ADAMTSL2: variants seen among roughly 807,000 people sequenced by gnomAD.
ADAMTSL2 encodes ADAMTS like 2.
ADAMTSL2 carries 55 observed loss-of-function variants against 117.0 expected under a neutral mutation model. The observed-to-expected ratio is 0.47, with a 90% confidence interval of 0.38 to 0.59. The LOEUF (loss-of-function observed/expected upper bound fraction) is 0.59, where lower values mean the gene tolerates loss of function less well. Among genes scored for constraint, ADAMTSL2 ranks in the 20% least tolerant of loss-of-function variants. ADAMTSL2 has a pLI of 0.00. For synonymous variants in ADAMTSL2, 572 were observed against 566.4 expected (o/e 1.01, Z -0.14); for missense variants, 1,182 against 1,354.5 (o/e 0.87, Z 2.00).
At chr9:133,543,954 G>A (rs370209108) in intron 7 of ADAMTSL2, among the ~76,000 whole-genome samples, 5 of 152,262 alleles carry the variant, frequency 3.3e-5, no homozygotes, top group Admixed American at 1.3e-4. Context: ...TCAGCCTGGG[G>A]CCTGGTGCTT....
chr9:133,532,208 T>C (rs1001625846), upstream of ADAMTSL2: 2 of 152,282 alleles, frequency 1.3e-5, no homozygotes, highest in East Asian at 3.9e-4. Flanking sequence ...TCTCTTTTTT[T>C]CTTTTTGAGA....
intron 9 of ADAMTSL2, among the ~76,000 whole-genome samples, chr9:133,551,812 CTTTTTTTTTTTTTT>C (rs56225051): frequency 1.1e-4 from 12 of 111,082 alleles, no homozygotes; most frequent in African/African-American, 3.4e-4. Context: ...AAAGCAGCAG[CTTTTTTTTTTTTTT>C]TTTTTTTTTT....
At chr9:133,560,994 G>T (rs1187922141) in intron 11 of ADAMTSL2, among the ~76,000 whole-genome samples, 1 of 152,236 alleles carries the variant, frequency 6.6e-6, no homozygotes, top group Non-Finnish European at 1.5e-5. Flanking sequence ...CCTAAAATGT[G>T]CCCCTCTGCG....
intron 12 of ADAMTSL2, among the ~76,000 whole-genome samples, chr9:133,563,940 A>G (rs1588302489): frequency 6.3e-5 from 1 of 15,884 alleles, no homozygotes; most frequent in Admixed American, 5.0e-4. Context: ...AGAGAGAGGG[A>G]GAGAGAGAGA....
Position 133,557,549 on chromosome 9 carries a change from C to T in ADAMTSL2, c.1649+1619C>T, listed in dbSNP as rs928969046. On this transcript the variant is annotated intron_variant, in intron 11 of 18. Coordinates refer to ENST00000651351, the MANE Select transcript of ADAMTSL2 (RefSeq NM_014694.4). The surrounding 1 kb of genome is among the most constrained non-coding windows in gnomAD (Gnocchi z 5.2). ...ATAGTGTCTGAGTCTGAGAGGGGGT[C>T]CTGGGTAAAGGGCAGGAGGGACGGA... Among the ~76,000 whole-genome samples, 3 of 152,040 alleles carry T rather than the reference C, an allele frequency of 2.0e-5. No individual in the cohort carries two copies. The highest frequency in any genetic ancestry group is 2.9e-5 in the Non-Finnish European group (2 of 68,004).
At chr9:133,567,980 G>A (rs1367597904) in intron 13 of ADAMTSL2, among the ~76,000 whole-genome samples, 4 of 152,184 alleles carry the variant, frequency 2.6e-5, no homozygotes, top group African/African-American at 7.2e-5. Context: ...TCCTGTGGGC[G>A]CACAGCCACC....
chr9:133,534,814 T>G lies in ADAMTSL2; in HGVS notation c.-254T>G. On this transcript the variant is annotated 5_prime_UTR_variant, in exon 1 of 19. Transcript: ENST00000651351. ...GGGAGAGGGAGGCCGGGCCGCAGCCTCTGCACTCACGCCGCCCCCGCACGC... is the reference window on the plus strand; with the variant it reads ...GGGAGAGGGAGGCCGGGCCGCAGCCGCTGCACTCACGCCGCCCCCGCACGC... 6.7e-7 allele frequency: 1 copy of G among 1,491,212 alleles called. No homozygotes were observed. The highest frequency in any genetic ancestry group is 1.4e-5 in the African/African-American group (1 of 69,252). The allele number at this position is 1,491,212 out of a possible 1,614,324, so 92.4% of individuals were successfully genotyped here. A position where few individuals can be genotyped will look rare whatever the true frequency, so the allele number is the denominator to read the frequency against.
chr9:133,564,303 A>AGG lies in ADAMTSL2; in HGVS notation c.1748-2632_1748-2631insGG, dbSNP rs1200941187. On this transcript the variant is annotated intron_variant, in intron 12 of 18. Transcript: ENST00000651351. ...GGGAGAGAGAGAGGGAGAGAGAGGGAGAGAGAGAGAAAGAGAGAGGGAGAG... is the reference window on the plus strand; with the variant it reads ...GGGAGAGAGAGAGGGAGAGAGAGGGAGGGAGAGAGAGAAAGAGAGAGGGAGAG... Among the ~76,000 whole-genome samples, 60 of 51,648 alleles carry AGG rather than the reference A, an allele frequency of 1.2e-3. 6 individuals are homozygous for AGG. Among genetic ancestry groups the AGG allele is most frequent in the Non-Finnish European group, 2.2e-3 (52 of 23,694 alleles). The allele number at this position is 51,648 out of a possible 152,430, so 33.9% of individuals were successfully genotyped here.
chr9:133,564,026 A>G (rs566001086), intron 12 of ADAMTSL2, among the ~76,000 whole-genome samples: 23 of 19,096 alleles, frequency 1.2e-3, no homozygotes, highest in Non-Finnish European at 1.5e-3. Context: ...GAGAGAGAGA[A>G]AGGGGGAGAG....
chr9:133,567,794 G>A (rs1342369747), intron 13 of ADAMTSL2, among the ~76,000 whole-genome samples: 18 of 152,340 alleles, frequency 1.2e-4, no homozygotes, highest in South Asian at 4.1e-4. Flanking sequence ...GAGCCCATCA[G>A]CTTTGGACCT....
chr9:133,548,900 T>C (rs566597095), intron 9 of ADAMTSL2, among the ~76,000 whole-genome samples: 101 of 152,230 alleles, frequency 6.6e-4, no homozygotes, highest in African/African-American at 2.1e-3. Flanking sequence ...AGAATTGCAT[T>C]GGTTTCTTTC....
At chr9:133,568,087 G>A (rs1018846249) in intron 13 of ADAMTSL2, among the ~76,000 whole-genome samples, 186 bp from the exon 14 acceptor site, 11 of 152,232 alleles carry the variant, frequency 7.2e-5, no homozygotes, top group African/African-American at 2.7e-4. Context: ...AAGACCTCCG[G>A]GGCCGTCATG....
rs183775371 is a variant in ADAMTSL2, at chr9:133,537,115, C to G, written c.91-290C>G. Among the ~76,000 whole-genome samples the G allele has an allele frequency of 2.0e-5, 3 of 152,254 alleles. No homozygotes were observed. The East Asian group carries it at 5.8e-4, about 29-fold the overall frequency. ...GAACGCAGTTGGGCCCTGAGCTGCTCCGGGGAAAGTGAGGACAGTTAGATG... is the reference window on the plus strand; with the variant it reads ...GAACGCAGTTGGGCCCTGAGCTGCTGCGGGGAAAGTGAGGACAGTTAGATG... On this transcript the variant is annotated intron_variant, in intron 2 of 18. Coordinates refer to ENST00000651351, the MANE Select transcript of ADAMTSL2 (RefSeq NM_014694.4).
rs1167737780 is a variant in ADAMTSL2 at position 133,564,607 on chromosome 9, G to GGA, written c.1748-2313_1748-2312dup. Among the ~76,000 whole-genome samples the GGA allele has an allele frequency of 2.9e-4, 6 of 20,544 alleles. 1 individual carries two copies. The highest frequency in any genetic ancestry group is 5.0e-4 in the Admixed American group (1 of 1,984). 13.5% of individuals were successfully genotyped at this position (20,544 alleles called of 152,430 possible). On this transcript the variant is annotated intron_variant, in intron 12 of 18. Coordinates refer to ENST00000651351, the MANE Select transcript of ADAMTSL2 (RefSeq NM_014694.4). ...AGGAGAGAGAGAGGGGGAGAGAGAG[G>GGA]GAGAGAGAGAGAGAGAGGGAGAGAG...
Position 133,560,823 on chromosome 9 carries a change from G to A in ADAMTSL2, c.1650-375G>A, listed in dbSNP as rs925808323. ...GAGGTCCCCTCCCCGGTGGGAAGAA[G>A]GAACCCACTAGCTGATGTGAGAAGG... On this transcript the variant is annotated intron_variant, in intron 11 of 18. Transcript: ENST00000651351. Among the ~76,000 whole-genome samples, 40 of 152,316 alleles carry A rather than the reference G, an allele frequency of 2.6e-4. 1 individual carries two copies. The South Asian group carries it at 5.8e-3, about 22-fold the overall frequency.
chr9:133,574,486 C>T (rs1831182219), intron 18 of ADAMTSL2, among the ~76,000 whole-genome samples: 1 of 152,128 alleles, frequency 6.6e-6, no homozygotes, highest in Non-Finnish European at 1.5e-5. Flanking sequence ...GATGCTTAGG[C>T]CTCTGGGTGT....
intron 4 of ADAMTSL2, 107 bp from the exon 5 acceptor site, chr9:133,539,664 G>A (rs1197496553): frequency 8.9e-7 from 1 of 1,129,000 alleles, no homozygotes; most frequent in African/African-American, 1.5e-5. Flanking sequence ...CGGCTGTCCC[G>A]GCTGTCCCGG....
upstream of ADAMTSL2, among the ~76,000 whole-genome samples, chr9:133,533,163 C>CTGTGTGTG (rs71378583): frequency 0.01 from 1,510 of 148,140 alleles, 15 homozygotes; most frequent in East Asian, 0.023. Flanking sequence ...GTGTGTGTGC[C>CTGTGTGTG]TGTGTGTGTG....
chr9:133,535,402 A>C lies in ADAMTSL2; in HGVS notation c.-151+485A>C, dbSNP rs1209272771. Among the ~76,000 whole-genome samples, 4 of 151,240 alleles carry C rather than the reference A, an allele frequency of 2.6e-5. No individual in the cohort carries two copies. The East Asian group carries it at 5.9e-4, about 22-fold the overall frequency. On this transcript the variant is annotated intron_variant, in intron 1 of 18. Coordinates refer to ENST00000651351, the MANE Select transcript of ADAMTSL2 (RefSeq NM_014694.4). The stretch of plus-strand genomic sequence containing the variant: ...GGGGGGCAGGCGGCGGGGGCAGGGG[A>C]GGTCAGACTCAGGCTCCCCACTCCA...
Sources: gnomAD v4.1 joint callset for allele counts (sites outside exome capture counted in the v4.1 genomes callset) on GRCh38, gnomAD v4.1.1 for gene constraint, Gnocchi (gnomAD v3.1) non-coding constraint, MANE v1.5 for transcripts, NCBI Gene and HGNC (gene_info 2026-07-23, HGNC 2026-07-21) for gene names.